ZC3H18: variants seen among roughly 807,000 people sequenced by gnomAD.
ZC3H18 encodes the protein zinc finger CCCH-type containing 18.
Under a neutral mutation model 106.1 loss-of-function variants are expected in ZC3H18, and 8 were observed. The observed-to-expected ratio is 0.08, with a 90% confidence interval of 0.04 to 0.14. The LOEUF (loss-of-function observed/expected upper bound fraction) is 0.14, where lower values mean the gene tolerates loss of function less well. Ranked by LOEUF, ZC3H18 falls within the 10% of genes least tolerant of loss-of-function variation. The pLI, the probability that ZC3H18 is intolerant of heterozygous loss-of-function variation, is 1.00. For missense variants in ZC3H18, 1,318 were observed against 1,278.4 expected (o/e 1.03, Z -0.47); for synonymous variants, 635 against 522.1 (o/e 1.22, Z -2.95).
intron 6 of ZC3H18, among the ~76,000 whole-genome samples, chr16:88,601,614 C>G (rs925622357): frequency 6.6e-6 from 1 of 150,944 alleles, no homozygotes; most frequent in Non-Finnish European, 1.5e-5. Flanking sequence ...CTCCTGGCTC[C>G]CTAGCTTCTC....
chr16:88,591,388 C>A (rs1915743878), intron 3 of ZC3H18, among the ~76,000 whole-genome samples: 1 of 152,166 alleles, frequency 6.6e-6, no homozygotes, highest in African/African-American at 2.4e-5. Flanking sequence ...GACTGCTCAA[C>A]ATGGTGAAAC....
At chr16:88,594,628 A>G (rs1311235841) in intron 3 of ZC3H18, among the ~76,000 whole-genome samples, 4 of 152,222 alleles carry the variant, frequency 2.6e-5, no homozygotes, top group Non-Finnish European at 2.9e-5. Flanking sequence ...AGCACAGAGC[A>G]TAATATATAT....
chr16:88,613,143 C>T (rs938743966), intron 8 of ZC3H18, among the ~76,000 whole-genome samples: 2 of 152,212 alleles, frequency 1.3e-5, no homozygotes, highest in East Asian at 1.9e-4. Flanking sequence ...CAATACACAG[C>T]GTTTTGTAAC....
At chr16:88,621,517 C>T (rs1382757225) in intron 8 of ZC3H18, among the ~76,000 whole-genome samples, 1 of 151,984 alleles carries the variant, frequency 6.6e-6, no homozygotes, top group Non-Finnish European at 1.5e-5. Flanking sequence ...CCACCGCAGC[C>T]GGCCTAATTT....
chr16:88,597,191 G>A, intron 3 of ZC3H18, among the ~76,000 whole-genome samples: 1 of 152,198 alleles, frequency 6.6e-6, no homozygotes, highest in East Asian at 1.9e-4. Context: ...AACTTCGTTT[G>A]ACTTATGTGT....
Position 88,628,831 on chromosome 16 carries a change from G to A in ZC3H18, c.2543G>A (p.Arg848Gln), listed in dbSNP as rs987391532. 22 of 1,613,920 alleles carry A rather than the reference G, an allele frequency of 1.4e-5. No individual in the cohort carries two copies. Among genetic ancestry groups the A allele is most frequent in the Middle Eastern group, 1.6e-4 (1 of 6,084 alleles). Reference sequence around the variant, plus strand: ...AGGCAGAGCCCTCCTCCAGCCAAGCGGCCCAACACATCCCCAGACCGAGGT... The same window carrying A: ...AGGCAGAGCCCTCCTCCAGCCAAGCAGCCCAACACATCCCCAGACCGAGGT... The part of the protein sequence containing the change: ...KDRQSPPPAK[R>Q]PNTSPDRGSR... The change falls in exon 16 of 18, where the codon CGG becomes CAG. Residue 848 changes from arginine to glutamine, a missense_variant. Transcript: ENST00000301011.
intron 1 of ZC3H18, among the ~76,000 whole-genome samples, chr16:88,575,069 T>A (rs1914661586): frequency 6.6e-6 from 1 of 151,438 alleles, no homozygotes; most frequent in Admixed American, 6.6e-5. Context: ...GACCTCGTGA[T>A]CCACCCGCCT....
chr16:88,628,234 G>C (rs1597362467), intron 15 of ZC3H18, 115 bp downstream of exon 15: 1 of 1,163,732 alleles, frequency 8.6e-7, no homozygotes. Flanking sequence ...GTGGGGCCTT[G>C]CAGGTGTCAG....
chr16:88,580,190 GTGTGTGTGTGTGTGTGTGTATATGTA>G lies in ZC3H18; in HGVS notation c.603+2466_603+2491del, dbSNP rs1280625064. On this transcript the variant is annotated intron_variant, in intron 2 of 17. Transcript: ENST00000301011. ...TGTGTGTGTGTGTGTGTGTGTGTGT[GTGTGTGTGTGTGTGTGTGTATATGTA>G]TATGTCTCTGCCTGCTGCTTCCCCT... is the stretch of plus-strand genomic sequence containing the variant. 3.9e-4 allele frequency among the ~76,000 whole-genome samples: 31 copies of G among 80,248 alleles called. No individual in the cohort carries two copies. In the East Asian group the frequency reaches 9.4e-3, roughly 24 times the overall value. 52.6% of individuals were successfully genotyped at this position (80,248 alleles called of 152,430 possible).
Position 88,628,270 on chromosome 16 carries a change from T to G in ZC3H18, c.2469+151T>G, listed in dbSNP as rs1906441194. 12 of 933,098 alleles carry G rather than the reference T, an allele frequency of 1.3e-5. No individual in the cohort carries two copies. In the South Asian group the frequency reaches 1.7e-4, roughly 13 times the overall value. 57.8% of individuals were successfully genotyped at this position (933,098 alleles called of 1,614,324 possible). A position where few individuals can be genotyped will look rare whatever the true frequency, so the allele number is the denominator to read the frequency against. On this transcript the variant is annotated intron_variant, in intron 15 of 17. Coordinates refer to ENST00000301011, the MANE Select transcript of ZC3H18 (RefSeq NM_144604.4). Reference sequence around the variant, plus strand: ...CACAGCCTGGGTAACAAAGCGAGACTCCATCTTTCCGGCCTGGGCTGGGAA... The same window carrying G: ...CACAGCCTGGGTAACAAAGCGAGACGCCATCTTTCCGGCCTGGGCTGGGAA...
Position 88,597,030 on chromosome 16 carries a change from C to G in ZC3H18, c.689-1148C>G, listed in dbSNP as rs919262845. Among the ~76,000 whole-genome samples the G allele has an allele frequency of 2.6e-5, 4 of 152,194 alleles. No individual in the cohort carries two copies. The East Asian group carries it at 7.7e-4, about 29-fold the overall frequency. On this transcript the variant is annotated intron_variant, in intron 3 of 17. Coordinates refer to ENST00000301011, the MANE Select transcript of ZC3H18 (RefSeq NM_144604.4). ...CCACCTCCTGGGTTCACGCCATTCT[C>G]CTGCTTCAGCCTCCCAAGTAGCTGG...
intron 2 of ZC3H18, among the ~76,000 whole-genome samples, chr16:88,584,812 A>G (rs4782342): frequency 0.36 from 55,343 of 152,068 alleles, 10,451 homozygotes; most frequent in East Asian, 0.46. Flanking sequence ...ACATCTTTGC[A>G]GAAACAATGC....
intron 3 of ZC3H18, among the ~76,000 whole-genome samples, chr16:88,590,106 G>T (rs772493336): frequency 2.0e-5 from 3 of 152,102 alleles, no homozygotes; most frequent in Non-Finnish European, 4.4e-5. Flanking sequence ...AACATTGCAA[G>T]AGCTCATCTT....
intron 17 of ZC3H18, among the ~76,000 whole-genome samples, 185 bp downstream of exon 17, chr16:88,630,766 A>C (rs9788821): frequency 0.71 from 42,431 of 60,020 alleles, 13,681 homozygotes; most frequent in East Asian, 0.84. Context: ...ACCCCCCCCC[A>C]CACACACACA....
chr16:88,625,037 C>T (rs1244633242), intron 12 of ZC3H18, among the ~76,000 whole-genome samples, 165 bp from the exon 13 acceptor site: 1 of 152,202 alleles, frequency 6.6e-6, no homozygotes, highest in Non-Finnish European at 1.5e-5. Flanking sequence ...TACTTTTTAT[C>T]TTGACAAAAC....
intron 6 of ZC3H18, among the ~76,000 whole-genome samples, chr16:88,600,817 T>C (rs1904709795): frequency 6.6e-6 from 1 of 152,242 alleles, no homozygotes; most frequent in Admixed American, 6.5e-5. Context: ...AAGTGCTGTT[T>C]TCCTCTGCCT....
At chr16:88,614,090 C>G (rs981965075) in intron 8 of ZC3H18, among the ~76,000 whole-genome samples, 2 of 152,234 alleles carry the variant, frequency 1.3e-5, no homozygotes, top group African/African-American at 4.8e-5. Flanking sequence ...GCAGGACTTC[C>G]CAGTCAGGAG....
intron 3 of ZC3H18, among the ~76,000 whole-genome samples, chr16:88,597,103 A>C (rs1013834627): frequency 6.6e-6 from 1 of 152,114 alleles, no homozygotes; most frequent in African/African-American, 2.4e-5. Context: ...TGTATTTTTT[A>C]GTAGAGACGG....
chr16:88,599,964 G>GCCTGCCCCTCCGTTTCCTT lies in ZC3H18; in HGVS notation c.1088+22_1088+40dup. 6.2e-7 allele frequency: 1 copy of GCCTGCCCCTCCGTTTCCTT among 1,612,494 alleles called. No homozygotes were observed. The highest frequency in any genetic ancestry group is 8.5e-7 in the Non-Finnish European group (1 of 1,178,996). ...GAGACACAGTGTAAGGAATGGCCCT[G>GCCTGCCCCTCCGTTTCCTT]CCTGCCCCTCCGTTTCCTTCCTGCA... On this transcript the variant is annotated intron_variant, in intron 6 of 17. Coordinates refer to ENST00000301011, the MANE Select transcript of ZC3H18 (RefSeq NM_144604.4).
Sources: gnomAD v4.1 joint callset for allele counts (sites outside exome capture counted in the v4.1 genomes callset) on GRCh38, gnomAD v4.1.1 for gene constraint, MANE v1.5 for transcripts, NCBI Gene and HGNC (gene_info 2026-07-23, HGNC 2026-07-21) for gene names.